ERMP1: variants seen among roughly 807,000 people sequenced by gnomAD.
The protein encoded by ERMP1 is Felix-ina.
A neutral mutation model predicts 92.0 loss-of-function variants in ERMP1; 86 were observed. The observed-to-expected ratio is 0.93, with a 90% CI of 0.79 to 1.12. The LOEUF (loss-of-function observed/expected upper bound fraction) is 1.12. ERMP1 is among the 50% of genes most tolerant of loss of function. The pLI, the probability that ERMP1 is intolerant of heterozygous loss-of-function variation, is 0.00. For missense variants in ERMP1, 1,342 were observed against 1,116.3 expected (o/e 1.20, Z -2.88); for synonymous variants, 530 against 412.8 (o/e 1.28, Z -3.44).
intron 8 of ERMP1, 107 bp from the exon 9 acceptor site, chr9:5,805,892 T>A: frequency 1.2e-6 from 1 of 855,064 alleles, no homozygotes; most frequent in Non-Finnish European, 1.7e-6. Context: ...CATTTTGTTT[T>A]AAACACAGTC....
chr9:5,814,234 C>A (rs1028302147), intron 4 of ERMP1, among the ~76,000 whole-genome samples: 2 of 152,112 alleles, frequency 1.3e-5, no homozygotes, highest in Admixed American at 1.3e-4. Flanking sequence ...AACATAATAA[C>A]CGTGGACCAT....
intron 5 of ERMP1, among the ~76,000 whole-genome samples, chr9:5,864,139 G>T (rs1360087469): frequency 2.0e-5 from 3 of 152,336 alleles, no homozygotes; most frequent in Non-Finnish European, 2.9e-5. Flanking sequence ...TTGACTGTTG[G>T]AAATTGGTAG....
At chr9:5,813,077 A>AT (rs35748220) in intron 4 of ERMP1, 42 bp from the exon 5 acceptor site, 584,427 of 1,591,988 alleles carry the variant, frequency 0.37, 113,443 homozygotes, top group East Asian at 0.77. Context: ...TATTCCGGCA[A>AT]TTTTTTTTAA....
intron 13 of ERMP1, among the ~76,000 whole-genome samples, chr9:5,791,933 T>G (rs971807293): frequency 6.6e-6 from 1 of 152,140 alleles, no homozygotes; most frequent in Non-Finnish European, 1.5e-5. Context: ...ACAACAGATA[T>G]ACACAAAGGG....
chr9:5,860,604 A>C (rs6477008), intron 5 of ERMP1, among the ~76,000 whole-genome samples: 1 of 150,808 alleles, frequency 6.6e-6, no homozygotes, highest in Admixed American at 6.6e-5. Context: ...TATCAACTTC[A>C]GTCCACAATT....
At chr9:5,800,159 A>G (rs767715511) in intron 11 of ERMP1, among the ~76,000 whole-genome samples, 2 of 152,236 alleles carry the variant, frequency 1.3e-5, no homozygotes, top group African/African-American at 2.4e-5. Flanking sequence ...TAAAATACAA[A>G]TAAGAATTAT....
At chr9:5,865,733 G>C (rs977508862) in intron 5 of ERMP1, among the ~76,000 whole-genome samples, 2 of 149,736 alleles carry the variant, frequency 1.3e-5, no homozygotes, top group African/African-American at 4.9e-5. Context: ...AGCTACTCGG[G>C]AGGCTGAGGC....
At chr9:5,812,487 G>A (rs1437289451) in intron 5 of ERMP1, among the ~76,000 whole-genome samples, 1 of 152,166 alleles carries the variant, frequency 6.6e-6, no homozygotes, top group Non-Finnish European at 1.5e-5. Context: ...GGAATATTGA[G>A]TTTGGGAGGT....
intron 6 of ERMP1, among the ~76,000 whole-genome samples, chr9:5,854,741 G>A (rs1830352748): frequency 6.6e-6 from 1 of 152,102 alleles, no homozygotes; most frequent in Non-Finnish European, 1.5e-5. Context: ...TGCCCAGGCT[G>A]GTCTAGAACT....
intron 5 of ERMP1, among the ~76,000 whole-genome samples, chr9:5,862,325 C>T (rs772965558): frequency 7.3e-5 from 11 of 151,538 alleles, no homozygotes; most frequent in Non-Finnish European, 1.5e-4. Flanking sequence ...AGCCACCATG[C>T]CTGACCTACT....
chr9:5,812,491 G>C (rs950542038), intron 5 of ERMP1, among the ~76,000 whole-genome samples: 1 of 152,158 alleles, frequency 6.6e-6, no homozygotes, highest in Non-Finnish European at 1.5e-5. Context: ...TATTGAGTTT[G>C]GGAGGTCATG....
At chr9:5,813,304 A>G (rs1001856459) in intron 4 of ERMP1, among the ~76,000 whole-genome samples, 1 of 152,234 alleles carries the variant, frequency 6.6e-6, no homozygotes, top group African/African-American at 2.4e-5. Flanking sequence ...TAAATCTATC[A>G]TCCTAAAATG....
At chr9:5,788,687 G>C (rs1052485582) in intron 13 of ERMP1, among the ~76,000 whole-genome samples, 7 of 151,856 alleles carry the variant, frequency 4.6e-5, no homozygotes, top group Non-Finnish European at 7.4e-5. Context: ...AAAAGTATCA[G>C]AAAATTCCTC....
chr9:5,825,853 T>C (rs1035238831), intron 2 of ERMP1, among the ~76,000 whole-genome samples: 1 of 152,134 alleles, frequency 6.6e-6, no homozygotes, highest in Non-Finnish European at 1.5e-5. Context: ...TCTCTGAACC[T>C]CTTCTTGATT....
intron 8 of ERMP1, among the ~76,000 whole-genome samples, chr9:5,806,476 G>A (rs1435934070): frequency 4.0e-5 from 6 of 149,996 alleles, no homozygotes; most frequent in African/African-American, 7.4e-5. Context: ...CGCCTAGGCC[G>A]GAGTCCAGTG....
intron 5 of ERMP1, among the ~76,000 whole-genome samples, chr9:5,864,055 A>G (rs1254974314): frequency 6.6e-6 from 1 of 152,230 alleles, no homozygotes; most frequent in Non-Finnish European, 1.5e-5. Context: ...CATTTTAAAA[A>G]AGCTTATGAT....
At chr9:5,848,089 T>C (rs1410048071) in intron 6 of ERMP1, among the ~76,000 whole-genome samples, 2 of 152,278 alleles carry the variant, frequency 1.3e-5, no homozygotes, top group South Asian at 2.1e-4. Context: ...GTCTGTGTGG[T>C]AGGCAGAAAA....
At chr9:5,806,361 T>A (rs1828870042) in intron 8 of ERMP1, among the ~76,000 whole-genome samples, 1 of 152,154 alleles carries the variant, frequency 6.6e-6, no homozygotes. Flanking sequence ...TTACAGTTTT[T>A]GAGATTTAAA....
chr9:5,853,239 A>G (rs143544177), intron 6 of ERMP1, among the ~76,000 whole-genome samples: 25 of 152,360 alleles, frequency 1.6e-4, no homozygotes, highest in African/African-American at 5.5e-4. Flanking sequence ...CCACCTTCAC[A>G]AAGGGAAATT....
Sources: allele counts gnomAD v4.1 joint callset (sites outside exome capture counted in the v4.1 genomes callset), GRCh38; gene constraint gnomAD v4.1.1; transcripts MANE v1.5; gene names NCBI Gene and HGNC (gene_info 2026-07-23, HGNC 2026-07-21).